Variants in MECOM observed in about 807,000 individuals in gnomAD.
MECOM encodes MDS1 and EVI1 complex locus.
MECOM carries 13 observed loss-of-function variants against 116.3 expected under a neutral mutation model. The observed-to-expected ratio is 0.11, with a 90% CI of 0.07 to 0.18. The LOEUF is 0.18. MECOM is among the 10% of genes least tolerant of loss of function. The probability of loss-of-function intolerance (pLI) is 1.00; values close to 1 mark genes in which losing one functional copy is unlikely to be tolerated. For synonymous variants in MECOM, 528 were observed against 535.2 expected (o/e 0.99, Z 0.19); for missense variants, 1,299 against 1,509.0 (o/e 0.86, Z 2.31).
At chr3:169,135,932 A>G (rs1049966362) in intron 3 of MECOM, among the ~76,000 whole-genome samples, 2 of 151,868 alleles carry the variant, frequency 1.3e-5, no homozygotes, top group African/African-American at 4.8e-5. Flanking sequence ...TAAATGATTC[A>G]AGTAGTTGAA....
chr3:169,118,472 CTAAT>C (rs1487167242), intron 7 of MECOM, among the ~76,000 whole-genome samples: 2 of 151,922 alleles, frequency 1.3e-5, no homozygotes, highest in African/African-American at 4.8e-5. Context: ...GTTTGATACA[CTAAT>C]TAAAATCAAA....
At chr3:169,504,398 A>T (rs1754950532) in intron 1 of MECOM, among the ~76,000 whole-genome samples, 1 of 152,128 alleles carries the variant, frequency 6.6e-6, no homozygotes. Context: ...ATTCAGTCAT[A>T]TATGAGGTAC....
chr3:169,125,643 A>G (rs887146865), intron 5 of MECOM, among the ~76,000 whole-genome samples: 1 of 152,166 alleles, frequency 6.6e-6, no homozygotes, highest in Non-Finnish European at 1.5e-5. Flanking sequence ...AGCACAAAAA[A>G]GCAAGTCATT....
intron 2 of MECOM, among the ~76,000 whole-genome samples, chr3:169,229,792 A>G (rs1462524542): frequency 3.3e-5 from 5 of 152,156 alleles, no homozygotes; most frequent in Non-Finnish European, 7.4e-5. Flanking sequence ...ACACACTAAT[A>G]TAAGAGACTA....
intron 1 of MECOM, among the ~76,000 whole-genome samples, chr3:169,651,860 GA>G (rs1158869650): frequency 3.9e-5 from 6 of 152,072 alleles, no homozygotes; most frequent in Non-Finnish European, 7.4e-5. Context: ...ATGCATGGGG[GA>G]AAAAATCTGC....
chr3:169,115,413 G>A lies in MECOM; in HGVS notation c.2459C>T (p.Pro820Leu). ...AATAGGGTCCATAAAGAAAGGAGTGGGTCTTGCATGCTGCAAGGAACCATC... is the reference window on the plus strand; with the variant it reads ...AATAGGGTCCATAAAGAAAGGAGTGAGTCTTGCATGCTGCAAGGAACCATC... The part of the protein sequence containing the change: ...ASDGSLQHAR[P>L]TPFFMDPIYR... The change falls in exon 8 of 17, where the codon CCC becomes CTC. Residue 820 changes from proline (P) to leucine (L), a missense_variant. Physicochemically the swap from Pro to Leu is moderately conservative, Grantham distance 98 (BLOSUM62 -3). Transcript: ENST00000651503. 6.2e-7 allele frequency: 1 copy of A among 1,614,034 alleles called. No individual in the cohort carries two copies. The highest frequency in any genetic ancestry group is 8.5e-7 in the Non-Finnish European group (1 of 1,179,976).
At chr3:169,370,896 C>G (rs748194518) in intron 2 of MECOM, among the ~76,000 whole-genome samples, 2 of 151,828 alleles carry the variant, frequency 1.3e-5, no homozygotes, top group Admixed American at 6.6e-5. Context: ...AAAAGGGGCT[C>G]TTTATATACT....
At chr3:169,146,608 AGGCTGGGGGCGGGG>A in intron 2 of MECOM, 1 of 1,370,882 alleles carries the variant, frequency 7.3e-7, no homozygotes, top group Non-Finnish European at 9.7e-7. Flanking sequence ...GGAGGAAAGA[AGGCTGGGGGCGGGG>A]GGCGCCCGTA....
At chr3:169,324,143 A>C (rs1049294120) in intron 2 of MECOM, among the ~76,000 whole-genome samples, 1 of 152,190 alleles carries the variant, frequency 6.6e-6, no homozygotes, top group East Asian at 1.9e-4. Context: ...GAGAGGAAAG[A>C]GTGAGGAACT....
chr3:169,192,949 A>G (rs1056003139), intron 2 of MECOM, among the ~76,000 whole-genome samples: 8 of 152,000 alleles, frequency 5.3e-5, no homozygotes, highest in Admixed American at 4.6e-4. Context: ...TTAATGGCTC[A>G]ATAGCAACCT....
chr3:169,149,941 G>C (rs879917384), intron 2 of MECOM, among the ~76,000 whole-genome samples: 4,826 of 53,574 alleles, frequency 0.09, 129 homozygotes, highest in East Asian at 0.24. Context: ...CTCTCTGTGT[G>C]TGTGTGTGTG....
intron 8 of MECOM, among the ~76,000 whole-genome samples, chr3:169,114,662 T>G (rs763455018): frequency 5.9e-5 from 9 of 151,936 alleles, no homozygotes; most frequent in Non-Finnish European, 1.2e-4. Flanking sequence ...CATATTATTA[T>G]TCATACCCAT....
intron 2 of MECOM, among the ~76,000 whole-genome samples, chr3:169,263,125 A>AT (rs1757798616): frequency 2.0e-4 from 4 of 19,552 alleles, no homozygotes; most frequent in African/African-American, 1.1e-3. Flanking sequence ...ATATATATAT[A>AT]TATGTTTTTT....
In MECOM at chr3:169,116,186, C is replaced by T; in HGVS notation, c.1686G>A (p.Glu562=). The change falls in exon 8 of 17, where the codon GAG becomes GAA. Residue 562 remains glutamate, a synonymous_variant. Transcript: ENST00000651503. The part of the protein sequence containing the change: ...GDNKPVELQP[E]RSSEERPFEK... ...CAAAGGGCCTCTCTTCAGAGGACCT[C>T]TCGGGCTGGAGCTCCACTGGCTTAT... 1 of 1,614,182 alleles carries T rather than the reference C, an allele frequency of 6.2e-7. No homozygotes were observed. The highest frequency in any genetic ancestry group is 8.5e-7 in the Non-Finnish European group (1 of 1,180,034).
intron 1 of MECOM, among the ~76,000 whole-genome samples, chr3:169,540,684 C>T (rs182526567): frequency 6.6e-6 from 1 of 152,286 alleles, no homozygotes; most frequent in Non-Finnish European, 1.5e-5. Context: ...AAGCCCATCC[C>T]CAGGTGCTGC....
intron 1 of MECOM, among the ~76,000 whole-genome samples, chr3:169,394,387 A>G (rs1734698504): frequency 6.6e-6 from 1 of 152,202 alleles, no homozygotes; most frequent in Non-Finnish European, 1.5e-5. Context: ...AGTGAATGGC[A>G]CAGAAAATGA....
At chr3:169,610,124 T>C (rs527829561) in intron 1 of MECOM, among the ~76,000 whole-genome samples, 1 of 152,370 alleles carries the variant, frequency 6.6e-6, no homozygotes, top group Non-Finnish European at 1.5e-5. Context: ...TGAGCTTAAC[T>C]ACTCCACTTA....
chr3:169,658,935 G>A (rs564206396), intron 1 of MECOM, among the ~76,000 whole-genome samples: 25 of 152,256 alleles, frequency 1.6e-4, no homozygotes, highest in Admixed American at 1.2e-3. Context: ...AGCCCGGGGA[G>A]GAGGGCGTCC....
intron 2 of MECOM, among the ~76,000 whole-genome samples, chr3:169,172,098 T>C (rs1325223446): frequency 6.6e-6 from 1 of 151,488 alleles, no homozygotes; most frequent in Non-Finnish European, 1.5e-5. Context: ...CTGGATACTA[T>C]AAATTTTTAC....
Sources: gnomAD v4.1 joint callset for allele counts (sites outside exome capture counted in the v4.1 genomes callset) on GRCh38, gnomAD v4.1.1 for gene constraint, MANE v1.5 for transcripts, NCBI Gene and HGNC (gene_info 2026-07-23, HGNC 2026-07-21) for gene names.